ARHGAP26: variants seen among roughly 807,000 people sequenced by gnomAD.
The protein encoded by ARHGAP26 is Rho GTPase activating protein 26, also known as rho GTPase-activating protein 26.
In ARHGAP26, 38 loss-of-function variants were observed where a neutral mutation model predicts 104.8. The ratio of observed to expected loss-of-function variants is 0.36; its 90% CI spans 0.28 to 0.48. The LOEUF (loss-of-function observed/expected upper bound fraction) is 0.48. Ranked by LOEUF, ARHGAP26 falls within the 20% of genes least tolerant of loss-of-function variation. ARHGAP26 has a pLI of 0.99. For missense variants in ARHGAP26, 704 were observed against 947.9 expected (o/e 0.74, Z 3.38); for synonymous variants, 341 against 340.0 (o/e 1.00, Z -0.03).
chr5:143,091,371 T>A (rs1246674824), intron 17 of ARHGAP26, among the ~76,000 whole-genome samples: 1 of 152,240 alleles, frequency 6.6e-6, no homozygotes, highest in African/African-American at 2.4e-5. Context: ...GACTTAGTTT[T>A]GCGGGAAAGG....
intron 1 of ARHGAP26, among the ~76,000 whole-genome samples, chr5:142,797,143 A>T (rs1344205520): frequency 6.6e-6 from 1 of 152,206 alleles, no homozygotes; most frequent in Non-Finnish European, 1.5e-5. Flanking sequence ...AAGCTTTGTG[A>T]ACTAAATAGC....
intron 19 of ARHGAP26, among the ~76,000 whole-genome samples, chr5:143,146,649 A>G (rs1799191733): frequency 6.6e-6 from 1 of 152,216 alleles, no homozygotes; most frequent in Admixed American, 6.5e-5. Flanking sequence ...GAAGTCAAAC[A>G]CCAAGTACAT....
intron 11 of ARHGAP26, among the ~76,000 whole-genome samples, chr5:142,970,276 A>G (rs1772063761): frequency 6.6e-6 from 1 of 152,226 alleles, no homozygotes; most frequent in Non-Finnish European, 1.5e-5. Flanking sequence ...GGAGAGGGTA[A>G]GGGTCATGAA....
chr5:143,052,063 C>G (rs1562332901), intron 14 of ARHGAP26, among the ~76,000 whole-genome samples: 1 of 152,126 alleles, frequency 6.6e-6, no homozygotes. Flanking sequence ...GGCAAAGACA[C>G]AAATTAAAGT....
intron 11 of ARHGAP26, among the ~76,000 whole-genome samples, chr5:142,975,578 A>G (rs1772949554): frequency 6.6e-6 from 1 of 152,132 alleles, no homozygotes; most frequent in Admixed American, 6.5e-5. Context: ...TCATTTAGCA[A>G]ACTATAAAGA....
At chr5:143,198,311 G>GC (rs2151298048) in intron 20 of ARHGAP26, among the ~76,000 whole-genome samples, 1 of 152,248 alleles carries the variant, frequency 6.6e-6, no homozygotes, top group African/African-American at 2.4e-5. Flanking sequence ...ACTTTATAAT[G>GC]CCCCCAAAAT....
chr5:143,082,877 A>G (rs1245626044), intron 17 of ARHGAP26, among the ~76,000 whole-genome samples: 1 of 152,232 alleles, frequency 6.6e-6, no homozygotes, highest in African/African-American at 2.4e-5. Context: ...TTCCTTTTCT[A>G]CAGAACGTCA....
chr5:143,036,133 A>G (rs539205015), intron 12 of ARHGAP26, among the ~76,000 whole-genome samples: 203 of 152,218 alleles, frequency 1.3e-3, no homozygotes, highest in African/African-American at 4.7e-3. Context: ...AAATATTACA[A>G]GTTTATTACT....
intron 19 of ARHGAP26, among the ~76,000 whole-genome samples, chr5:143,137,449 C>T (rs955276964): frequency 2.6e-5 from 4 of 152,194 alleles, no homozygotes; most frequent in African/African-American, 4.8e-5. Context: ...TGGTTTGATG[C>T]GACCTTACCT....
intron 20 of ARHGAP26, among the ~76,000 whole-genome samples, chr5:143,183,097 A>G (rs1804633432): frequency 6.6e-6 from 1 of 152,026 alleles, no homozygotes; most frequent in Admixed American, 6.6e-5. Context: ...AAAAAGAAAA[A>G]AAAACCTCAT....
At chr5:142,910,000 A>G (rs886883632) in intron 9 of ARHGAP26, among the ~76,000 whole-genome samples, 1 of 152,226 alleles carries the variant, frequency 6.6e-6, no homozygotes, top group South Asian at 2.1e-4. Context: ...AAAGCATGTC[A>G]TTGGGTAGTG....
chr5:143,134,697 A>G (rs368828617), intron 19 of ARHGAP26, among the ~76,000 whole-genome samples: 30 of 152,350 alleles, frequency 2.0e-4, no homozygotes, highest in African/African-American at 7.0e-4. Context: ...TCCGTTTTTC[A>G]TCTCAGGATT....
chr5:143,086,652 T>C (rs1790625468), intron 17 of ARHGAP26, among the ~76,000 whole-genome samples: 1 of 152,220 alleles, frequency 6.6e-6, no homozygotes, highest in Non-Finnish European at 1.5e-5. Flanking sequence ...TAGCTGGAGA[T>C]TGAGCCAGTC....
At chr5:143,084,137 G>A (rs1390136437) in intron 17 of ARHGAP26, among the ~76,000 whole-genome samples, 1 of 152,222 alleles carries the variant, frequency 6.6e-6, no homozygotes, top group Non-Finnish European at 1.5e-5. Flanking sequence ...AAAAGACTCT[G>A]CCTTAATGAC....
intron 17 of ARHGAP26, among the ~76,000 whole-genome samples, chr5:143,092,964 G>T (rs1455095983): frequency 1.3e-5 from 2 of 152,130 alleles, no homozygotes; most frequent in East Asian, 1.9e-4. Flanking sequence ...ACCATCTATC[G>T]TCCTGTCCTG....
intron 17 of ARHGAP26, among the ~76,000 whole-genome samples, chr5:143,111,406 T>C (rs977324508): frequency 9.9e-5 from 15 of 152,232 alleles, no homozygotes; most frequent in Admixed American, 9.8e-4. Context: ...ATTCTAGATA[T>C]GTGACCTTAG....
At chr5:142,830,398 C>T (rs982257478) in intron 1 of ARHGAP26, among the ~76,000 whole-genome samples, 3 of 151,814 alleles carry the variant, frequency 2.0e-5, no homozygotes, top group Non-Finnish European at 4.4e-5. Context: ...TAATAAGTTG[C>T]GGTGGAGGGT....
chr5:143,020,467 A>C (rs542779692), intron 12 of ARHGAP26, among the ~76,000 whole-genome samples: 2 of 152,150 alleles, frequency 1.3e-5, no homozygotes, highest in Non-Finnish European at 2.9e-5. Context: ...TGCAGACTAC[A>C]TGCCCAGAGC....
intron 11 of ARHGAP26, among the ~76,000 whole-genome samples, chr5:142,937,718 G>T (rs1765640247): frequency 1.3e-5 from 2 of 152,126 alleles, no homozygotes; most frequent in African/African-American, 4.8e-5. Context: ...GCAATGGAAA[G>T]AAATGAACTA....
Sources: gnomAD v4.1 joint callset for allele counts (sites outside exome capture counted in the v4.1 genomes callset) on GRCh38, gnomAD v4.1.1 for gene constraint, MANE v1.5 for transcripts, NCBI Gene and HGNC (gene_info 2026-07-23, HGNC 2026-07-21) for gene names.